Variants in CDC42BPA observed in about 807,000 individuals in gnomAD.
CDC42BPA encodes the protein CDC42 binding protein kinase alpha, also known as serine/threonine-protein kinase MRCK alpha.
Under a neutral mutation model 223.5 loss-of-function variants are expected in CDC42BPA, and 80 were observed. The observed-to-expected ratio is 0.36, with a 90% CI of 0.30 to 0.43. The LOEUF (loss-of-function observed/expected upper bound fraction) is 0.43. Among genes scored for constraint, CDC42BPA ranks in the 20% least tolerant of loss-of-function variants. The pLI is 1.00. For synonymous variants in CDC42BPA, 694 were observed against 718.6 expected (o/e 0.97, Z 0.55); for missense variants, 1,743 against 2,099.9 (o/e 0.83, Z 3.32).
rs1666206949 is a variant in CDC42BPA at position 227,016,209 on chromosome 1, G to A, written c.4740-12C>T. The A allele has an allele frequency of 7.3e-7, 1 of 1,365,122 alleles. No individual in the cohort carries two copies. The allele number at this position is 1,365,122 out of a possible 1,614,324, so 84.6% of individuals were successfully genotyped here. A position where few individuals can be genotyped will look rare whatever the true frequency, so the allele number is the denominator to read the frequency against. Reference sequence around the variant, plus strand: ...CTCGTAGCATTTCCCTGTAAGACAAGGCATCTGTTTAGATACTTTTTCCAC... The same window carrying A: ...CTCGTAGCATTTCCCTGTAAGACAAAGCATCTGTTTAGATACTTTTTCCAC... On this transcript the variant is annotated splice_polypyrimidine_tract_variant and intron_variant, in intron 33 of 36. Transcript: ENST00000366766.
chr1:227,181,004 T>C (rs1281268529), intron 5 of CDC42BPA, among the ~76,000 whole-genome samples: 1 of 152,190 alleles, frequency 6.6e-6, no homozygotes, highest in Admixed American at 6.5e-5. Flanking sequence ...CACATGATGC[T>C]GTTAAGTCAT....
At chr1:227,267,159 A>C (rs2670472) in intron 1 of CDC42BPA, among the ~76,000 whole-genome samples, 24,016 of 152,200 alleles carry the variant, frequency 0.16, 2,187 homozygotes, top group East Asian at 0.37. Context: ...TTTTATAACA[A>C]AATAGATTTT....
chr1:227,072,071 C>T (rs894212703), intron 20 of CDC42BPA, 137 bp downstream of exon 20: 30 of 538,094 alleles, frequency 5.6e-5, no homozygotes, highest in African/African-American at 2.2e-4. Context: ...TATATACACA[C>T]GTATATTCAT....
chr1:227,154,337 C>T (rs1662332776), intron 6 of CDC42BPA, among the ~76,000 whole-genome samples: 1 of 151,898 alleles, frequency 6.6e-6, no homozygotes, highest in Non-Finnish European at 1.5e-5. Flanking sequence ...AGAAACATTA[C>T]TGCACCTATT....
chr1:227,130,923 G>T (rs193147723), intron 10 of CDC42BPA, among the ~76,000 whole-genome samples: 14 of 152,176 alleles, frequency 9.2e-5, no homozygotes, highest in Admixed American at 5.2e-4. Context: ...TTTTCCTCCT[G>T]TACCCCACCT....
chr1:227,226,504 T>C (rs1296831452), intron 2 of CDC42BPA, among the ~76,000 whole-genome samples: 1 of 152,144 alleles, frequency 6.6e-6, no homozygotes, highest in African/African-American at 2.4e-5. Context: ...GGATCTATGG[T>C]ACAAGGAATG....
At chr1:227,120,415 A>C (rs1688469363) in intron 11 of CDC42BPA, among the ~76,000 whole-genome samples, 1 of 152,192 alleles carries the variant, frequency 6.6e-6, no homozygotes, top group Non-Finnish European at 1.5e-5. Context: ...ATTTCTAAAG[A>C]GCAAATATCT....
At chr1:227,168,633 C>G (rs963408137) in intron 5 of CDC42BPA, among the ~76,000 whole-genome samples, 18 of 151,732 alleles carry the variant, frequency 1.2e-4, no homozygotes, top group Non-Finnish European at 1.9e-4. Flanking sequence ...GTAGCTGGGA[C>G]TACAGGCGCC....
At chr1:226,997,339 C>G (rs1661840020) in intron 35 of CDC42BPA, among the ~76,000 whole-genome samples, 1 of 151,464 alleles carries the variant, frequency 6.6e-6, no homozygotes, top group East Asian at 1.9e-4. Flanking sequence ...CTATTTGATT[C>G]TTCTCTCTTT....
intron 16 of CDC42BPA, among the ~76,000 whole-genome samples, chr1:227,084,913 A>G (rs956241463): frequency 6.6e-6 from 1 of 152,150 alleles, no homozygotes; most frequent in African/African-American, 2.4e-5. Context: ...CCATGTGATC[A>G]ACTAAAGGCC....
chr1:227,227,665 C>A (rs932636163), intron 2 of CDC42BPA, among the ~76,000 whole-genome samples: 1 of 152,052 alleles, frequency 6.6e-6, no homozygotes, highest in Non-Finnish European at 1.5e-5. Context: ...ATGCTTTCTG[C>A]CAAACTTTGG....
chr1:227,181,961 A>C (rs1425348899), intron 5 of CDC42BPA, among the ~76,000 whole-genome samples: 2 of 152,220 alleles, frequency 1.3e-5, no homozygotes, highest in African/African-American at 4.8e-5. Flanking sequence ...CAGGAAAAAC[A>C]TAATAAATGT....
chr1:227,133,311 C>A (rs71527037), intron 10 of CDC42BPA, among the ~76,000 whole-genome samples: 1 of 143,338 alleles, frequency 7.0e-6, no homozygotes. Flanking sequence ...CCCCTCTGCC[C>A]GGCCAGCCGC....
chr1:227,205,284 ATATATATAT>A (rs1335046352), intron 3 of CDC42BPA, among the ~76,000 whole-genome samples: 89 of 88,624 alleles, frequency 1.0e-3, no homozygotes, highest in African/African-American at 3.1e-3. Context: ...AAAAAAAAAA[ATATATATAT>A]ATATATATAT....
intron 11 of CDC42BPA, among the ~76,000 whole-genome samples, chr1:227,123,778 A>G (rs569345977): frequency 3.3e-5 from 5 of 152,298 alleles, no homozygotes; most frequent in African/African-American, 1.2e-4. Context: ...CTTTATTTCT[A>G]ATTATAATCA....
chr1:227,026,913 T>C (rs1330096090), intron 30 of CDC42BPA, among the ~76,000 whole-genome samples: 4 of 152,058 alleles, frequency 2.6e-5, no homozygotes. Flanking sequence ...CCTCAGCCTC[T>C]TGGGTAGTTG....
At chr1:227,174,085 C>T (rs1666547873) in intron 5 of CDC42BPA, among the ~76,000 whole-genome samples, 1 of 152,110 alleles carries the variant, frequency 6.6e-6, no homozygotes, top group African/African-American at 2.4e-5. Context: ...CAGTTTTTAA[C>T]TATATTTTTA....
At chr1:227,134,240 C>T (rs1362043399) in intron 10 of CDC42BPA, among the ~76,000 whole-genome samples, 1 of 152,052 alleles carries the variant, frequency 6.6e-6, no homozygotes, top group Non-Finnish European at 1.5e-5. Flanking sequence ...CTTTACCCTT[C>T]TCTCCTCCAT....
chr1:227,008,569 G>A (rs1354016612), intron 34 of CDC42BPA, among the ~76,000 whole-genome samples: 1 of 152,076 alleles, frequency 6.6e-6, no homozygotes, highest in Non-Finnish European at 1.5e-5. Flanking sequence ...CCAAGGAGAG[G>A]TTAGAGCTCA....
Sources: allele counts gnomAD v4.1 joint callset (sites outside exome capture counted in the v4.1 genomes callset), GRCh38; gene constraint gnomAD v4.1.1; transcripts MANE v1.5; gene names NCBI Gene and HGNC (gene_info 2026-07-23, HGNC 2026-07-21).